The following KDM2A variants were observed in gnomAD, a reference collection of about 807,000 sequenced individuals.
KDM2A encodes lysine demethylase 2A, also known as lysine-specific demethylase 2A.
In KDM2A, 3 loss-of-function variants were observed where a neutral mutation model predicts 137.3. That is an observed-to-expected ratio of 0.02 (90% CI 0.01 to 0.06). KDM2A has a LOEUF of 0.06. Ranked by LOEUF, KDM2A falls within the 10% of genes least tolerant of loss-of-function variation. The probability of loss-of-function intolerance (pLI) is 1.00; values close to 1 mark genes in which losing one functional copy is unlikely to be tolerated. For missense variants in KDM2A, 738 were observed against 1,510.6 expected, an observed-to-expected ratio of 0.49 and a Z score of 8.48; for synonymous variants, 512 against 541.5, an observed-to-expected ratio of 0.95 and a Z score of 0.76.
At chr11:67,210,387 T>C (rs1385254338) in intron 6 of KDM2A, among the ~76,000 whole-genome samples, 1 of 151,658 alleles carries the variant, frequency 6.6e-6, no homozygotes, top group Non-Finnish European at 1.5e-5. Context: ...AAAAATAACA[T>C]GATTGTAGCT....
chr11:67,145,171 C>T (rs577431098), intron 2 of KDM2A, among the ~76,000 whole-genome samples: 6 of 151,562 alleles, frequency 4.0e-5, no homozygotes, highest in African/African-American at 1.4e-4. Context: ...CGTGCCCGAC[C>T]ATTCACATGG....
chr11:67,217,123 T>C (rs1203468653), intron 8 of KDM2A, among the ~76,000 whole-genome samples: 2 of 149,920 alleles, frequency 1.3e-5, no homozygotes, highest in African/African-American at 2.5e-5. Flanking sequence ...ACGCCTGTAG[T>C]CCCAGCAACT....
At chr11:67,202,425 C>T (rs557577715) in intron 5 of KDM2A, among the ~76,000 whole-genome samples, 2 of 152,248 alleles carry the variant, frequency 1.3e-5, no homozygotes, top group East Asian at 3.9e-4. Flanking sequence ...ACAGAGAAGT[C>T]TCTTTGTGAA....
chr11:67,204,607 T>G (rs534584101), intron 5 of KDM2A, among the ~76,000 whole-genome samples: 1 of 151,998 alleles, frequency 6.6e-6, no homozygotes, highest in Non-Finnish European at 1.5e-5. Flanking sequence ...TTCTCCTGCC[T>G]CAGTCTCCCG....
At chr11:67,124,614 C>CTTTT (rs34517858) in intron 2 of KDM2A, among the ~76,000 whole-genome samples, 1 of 112,674 alleles carries the variant, frequency 8.9e-6, no homozygotes, top group African/African-American at 3.2e-5. Flanking sequence ...GCCTGGCCCA[C>CTTTT]TTTTTTTTTT....
chr11:67,207,059 T>C (rs1857826277), intron 5 of KDM2A, among the ~76,000 whole-genome samples: 1 of 152,208 alleles, frequency 6.6e-6, no homozygotes, highest in Non-Finnish European at 1.5e-5. Context: ...CACTAAATTA[T>C]GGATACTTCA....
chr11:67,152,660 T>C (rs1442756067), intron 2 of KDM2A, among the ~76,000 whole-genome samples: 3 of 152,026 alleles, frequency 2.0e-5, no homozygotes, highest in African/African-American at 7.2e-5. Context: ...AAATTACATA[T>C]GTAGCTTACA....
At chr11:67,196,644 A>G in intron 5 of KDM2A, 1 of 359,952 alleles carries the variant, frequency 2.8e-6, no homozygotes, top group South Asian at 2.1e-5. Context: ...AATACTGTGT[A>G]ATTCCACTGA....
intron 2 of KDM2A, among the ~76,000 whole-genome samples, chr11:67,124,879 A>G (rs1855683243): frequency 6.8e-6 from 1 of 146,080 alleles, no homozygotes; most frequent in African/African-American, 2.5e-5. Flanking sequence ...TTTTTTTGAG[A>G]CAGAGTCTTG....
At position 67,257,616 on chromosome 11, in the gene KDM2A, G is replaced by T. The variant is rs1034720832; in HGVS notation, c.*2561G>T. 3.3e-5 allele frequency: 5 copies of T among 151,940 alleles called. No homozygotes were observed. Among genetic ancestry groups the T allele is most frequent in the Admixed American group, 2.0e-4 (3 of 15,256 alleles). The allele number at this position is 151,940 out of a possible 1,614,324, so 9.4% of individuals were successfully genotyped here. On this transcript the variant is annotated 3_prime_UTR_variant, in exon 21 of 21. Transcript: ENST00000529006. ...ATATATATATAATATAAAATCACTT[G>T]GTGATTAAAAAAATAACTGCTCCAT...
chr11:67,159,482 A>G (rs1856590152), intron 2 of KDM2A, among the ~76,000 whole-genome samples: 1 of 152,220 alleles, frequency 6.6e-6, no homozygotes, highest in Non-Finnish European at 1.5e-5. Context: ...TTTGGCAAGA[A>G]TGTTTCCCAG....
intron 10 of KDM2A, among the ~76,000 whole-genome samples, chr11:67,225,569 G>A (rs539819377): frequency 2.0e-5 from 3 of 152,056 alleles, no homozygotes; most frequent in Non-Finnish European, 2.9e-5. Context: ...TTGGGAGTTC[G>A]AAACCAGTCT....
chr11:67,240,480 A>G (rs1204778386), intron 12 of KDM2A: 19 of 848,974 alleles, frequency 2.2e-5, no homozygotes, highest in Non-Finnish European at 3.2e-5. Context: ...GTCCAGGACA[A>G]TGCTATGTTA....
At chr11:67,237,878 C>A (rs1858915388) in intron 12 of KDM2A, among the ~76,000 whole-genome samples, 1 of 151,694 alleles carries the variant, frequency 6.6e-6, no homozygotes, top group Admixed American at 6.6e-5. Flanking sequence ...CTGTCATCTA[C>A]CACTGCACTT....
In KDM2A at chr11:67,215,876, G is replaced by A. The variant is rs751593636; in HGVS notation, c.614G>A (p.Arg205Gln). Residue 205 changes from arginine to glutamine, a missense_variant, in exon 8 of 21, where the codon CGA becomes CAA. Coordinates refer to ENST00000529006, the MANE Select transcript of KDM2A (RefSeq NM_012308.3). ...KVQKYCLMSV[R>Q]GCYTDFHVDF... Reference sequence around the variant, plus strand: ...GTCAGGTACTGTCTAATGAGTGTTCGAGGCTGCTATACTGACTTCCATGTG... The same window carrying A: ...GTCAGGTACTGTCTAATGAGTGTTCAAGGCTGCTATACTGACTTCCATGTG... 2 of 1,613,764 alleles carry A rather than the reference G, an allele frequency of 1.2e-6. No homozygotes were observed. Among genetic ancestry groups the A allele is most frequent in the South Asian group, 1.1e-5 (1 of 91,064 alleles).
chr11:67,227,949 T>C, intron 10 of KDM2A, 88 bp from the exon 11 acceptor site: 2 of 1,371,130 alleles, frequency 1.5e-6, no homozygotes, highest in Non-Finnish European at 1.0e-6. Flanking sequence ...GTGAGAGTAT[T>C]TCCTGGGTTA....
chr11:67,203,478 TAATA>T (rs929741778), intron 5 of KDM2A, among the ~76,000 whole-genome samples: 16 of 147,432 alleles, frequency 1.1e-4, no homozygotes, highest in African/African-American at 3.2e-4. Context: ...TAATAATTAT[TAATA>T]TATATTAATA....
intron 5 of KDM2A, among the ~76,000 whole-genome samples, chr11:67,194,436 C>T (rs75251389): frequency 0.086 from 13,152 of 152,166 alleles, 1,925 homozygotes; most frequent in African/African-American, 0.3. Context: ...TTACTAACAA[C>T]GTGTTCTTTT....
At chr11:67,194,016 T>C (rs939518640) in intron 5 of KDM2A, among the ~76,000 whole-genome samples, 7 of 152,260 alleles carry the variant, frequency 4.6e-5, no homozygotes, top group African/African-American at 1.7e-4. Context: ...TCCACCATTT[T>C]AGATACTAAT....
Sources: gnomAD v4.1 joint callset for allele counts (sites outside exome capture counted in the v4.1 genomes callset) on GRCh38, gnomAD v4.1.1 for gene constraint, MANE v1.5 for transcripts, NCBI Gene and HGNC (gene_info 2026-07-23, HGNC 2026-07-21) for gene names.